Variants in NEDD4L observed in about 807,000 individuals in gnomAD.
NEDD4L encodes the protein E3 ubiquitin-protein ligase NEDD4-like.
In NEDD4L, 54 loss-of-function variants were observed where a neutral mutation model predicts 148.9. That is an observed-to-expected ratio of 0.36 (90% CI 0.29 to 0.45). NEDD4L has a LOEUF of 0.45. Ranked by LOEUF, NEDD4L falls within the 20% of genes least tolerant of loss-of-function variation. NEDD4L has a pLI of 1.00. For synonymous variants in NEDD4L, 433 were observed against 440.7 expected (o/e 0.98, Z 0.22); for missense variants, 856 against 1,233.8 (o/e 0.69, Z 4.59).
chr18:58,044,840 C>A (rs982034250), intron 1 of NEDD4L, 132 bp downstream of exon 1: 10 of 1,154,750 alleles, frequency 8.7e-6, no homozygotes, highest in Non-Finnish European at 1.1e-5. Flanking sequence ...AGCGGGAGCG[C>A]CCCGGAGCGG....
At chr18:58,282,337 G>A (rs933021780) in intron 5 of NEDD4L, among the ~76,000 whole-genome samples, 1 of 152,036 alleles carries the variant, frequency 6.6e-6, no homozygotes, top group Non-Finnish European at 1.5e-5. Flanking sequence ...GGGAGGGATC[G>A]AATTACTCCT....
At chr18:58,116,801 G>C (rs8094889) in intron 1 of NEDD4L, among the ~76,000 whole-genome samples, 2,029 of 152,354 alleles carry the variant, frequency 0.013, 45 homozygotes, top group African/African-American at 0.046. Context: ...GCATGGGCTT[G>C]AGCTGCTCTT....
intron 1 of NEDD4L, among the ~76,000 whole-genome samples, chr18:58,150,516 G>T (rs2034591226): frequency 6.6e-6 from 1 of 152,224 alleles, no homozygotes; most frequent in Admixed American, 6.5e-5. Flanking sequence ...GTGAGCCACT[G>T]CACCCGGCCG....
At chr18:58,390,295 C>T (rs1037909694) in intron 28 of NEDD4L, 1 of 170,562 alleles carries the variant, frequency 5.9e-6, no homozygotes, top group Admixed American at 6.1e-5. Context: ...CCTGGCTTCC[C>T]CTTGTGATGA....
intron 3 of NEDD4L, among the ~76,000 whole-genome samples, chr18:58,246,785 C>T (rs1457898184): frequency 1.3e-5 from 2 of 152,078 alleles, no homozygotes; most frequent in Admixed American, 1.3e-4. Context: ...TCTTAATTTG[C>T]CTATCTCCAT....
At position 58,389,211 on chromosome 18, in the gene NEDD4L, C is replaced by G. The variant is rs772286889; in HGVS notation, c.2655+19C>G. On this transcript the variant is annotated intron_variant, in intron 28 of 30. Coordinates refer to ENST00000400345, the MANE Select transcript of NEDD4L (RefSeq NM_001144967.3). Reference sequence around the variant, plus strand: ...CTGGAAGGTAACTCCGGGGCCCAGCCCCAGCCGGTGTCCTCCACCTGAGGC... The same window carrying G: ...CTGGAAGGTAACTCCGGGGCCCAGCGCCAGCCGGTGTCCTCCACCTGAGGC... The G allele has an allele frequency of 1.3e-6, 2 of 1,580,128 alleles. No homozygotes were observed. Among genetic ancestry groups the G allele is most frequent in the African/African-American group, 2.7e-5 (2 of 74,424 alleles).
At chr18:58,322,811 G>T (rs1338503145) in intron 7 of NEDD4L, among the ~76,000 whole-genome samples, 1 of 138,120 alleles carries the variant, frequency 7.2e-6, no homozygotes, top group Non-Finnish European at 1.6e-5. Context: ...CTTGCATGCT[G>T]TGGGTATAGG....
At chr18:58,124,766 A>T (rs74923081) in intron 1 of NEDD4L, among the ~76,000 whole-genome samples, 2,613 of 152,294 alleles carry the variant, frequency 0.017, 30 homozygotes, top group African/African-American at 0.026. Flanking sequence ...TCCCTCACAT[A>T]CTTTATTCAA....
chr18:58,168,030 G>C (rs1213756211), intron 2 of NEDD4L, among the ~76,000 whole-genome samples: 1 of 152,134 alleles, frequency 6.6e-6, no homozygotes, highest in African/African-American at 2.4e-5. Flanking sequence ...TTCGTACCTT[G>C]AATTTTTACT....
intron 1 of NEDD4L, among the ~76,000 whole-genome samples, chr18:58,066,098 C>G (rs1170386111): frequency 6.6e-6 from 1 of 152,182 alleles, no homozygotes; most frequent in Non-Finnish European, 1.5e-5. Flanking sequence ...GCAGAAATTA[C>G]TGCTGGATTT....
intron 2 of NEDD4L, among the ~76,000 whole-genome samples, chr18:58,183,985 T>G (rs529365476): frequency 2.6e-5 from 4 of 152,040 alleles, no homozygotes; most frequent in Admixed American, 6.5e-5. Context: ...CTGGCTAACA[T>G]GGTGAAACCC....
At chr18:58,324,921 G>T in intron 8 of NEDD4L, 75 bp from the exon 9 acceptor site, 1 of 1,355,496 alleles carries the variant, frequency 7.4e-7, no homozygotes, top group Non-Finnish European at 1.0e-6. Flanking sequence ...AGGGCATGCA[G>T]GGCATGCTGT....
At chr18:58,092,803 TTCTC>T (rs1351071946) in intron 1 of NEDD4L, among the ~76,000 whole-genome samples, 1 of 147,898 alleles carries the variant, frequency 6.8e-6, no homozygotes, top group Non-Finnish European at 1.5e-5. Context: ...AAAGGTAAAA[TTCTC>T]TCCCTGGTAC....
At chr18:58,177,545 T>C (rs2038322516) in intron 2 of NEDD4L, among the ~76,000 whole-genome samples, 1 of 152,114 alleles carries the variant, frequency 6.6e-6, no homozygotes, top group African/African-American at 2.4e-5. Flanking sequence ...TTCTCCCCAT[T>C]GTAGACAGGA....
intron 6 of NEDD4L, among the ~76,000 whole-genome samples, chr18:58,317,394 C>A (rs1350177828): frequency 6.6e-6 from 1 of 152,228 alleles, no homozygotes; most frequent in African/African-American, 2.4e-5. Context: ...AAGCTGCGAT[C>A]CTCTCACACT....
intron 1 of NEDD4L, among the ~76,000 whole-genome samples, chr18:58,141,457 T>C (rs1293361889): frequency 6.6e-6 from 1 of 152,236 alleles, no homozygotes; most frequent in East Asian, 1.9e-4. Context: ...GGCAAAATGT[T>C]GATTCCTTTG....
intron 30 of NEDD4L, among the ~76,000 whole-genome samples, chr18:58,394,701 C>G (rs570279453): frequency 6.6e-6 from 1 of 152,298 alleles, no homozygotes; most frequent in South Asian, 2.1e-4. Flanking sequence ...GTTAGAGAAT[C>G]CAAGTGGAAC....
At chr18:58,335,585 G>C (rs746695370) in intron 13 of NEDD4L, 48 bp downstream of exon 13, 5 of 1,434,688 alleles carry the variant, frequency 3.5e-6, no homozygotes, top group Non-Finnish European at 4.9e-6. Flanking sequence ...CCGTGAGGCA[G>C]TTTTAATATT....
At chr18:58,362,716 A>G (rs1762423881) in intron 19 of NEDD4L, among the ~76,000 whole-genome samples, 1 of 152,266 alleles carries the variant, frequency 6.6e-6, no homozygotes, top group African/African-American at 2.4e-5. Context: ...TGCCTTGCAC[A>G]GAGTAGGTGC....
Sources: allele counts gnomAD v4.1 joint callset (sites outside exome capture counted in the v4.1 genomes callset), GRCh38; gene constraint gnomAD v4.1.1; transcripts MANE v1.5; gene names NCBI Gene and HGNC (gene_info 2026-07-23, HGNC 2026-07-21).